ARID1B: variants seen among roughly 807,000 people sequenced by gnomAD.
ARID1B encodes AT-rich interaction domain 1B.
A neutral mutation model predicts 212.3 loss-of-function variants in ARID1B; 30 were observed. The ratio of observed to expected loss-of-function variants is 0.14; its 90% CI spans 0.11 to 0.19. ARID1B has a LOEUF of 0.19. Among genes scored for constraint, ARID1B ranks in the 10% least tolerant of loss-of-function variants. The pLI is 1.00. For missense variants in ARID1B, 2,891 were observed against 3,204.0 expected, an observed-to-expected ratio of 0.90 and a Z score of 2.36; for synonymous variants, 1,402 against 1,301.7, an observed-to-expected ratio of 1.08 and a Z score of -1.66.
At chr6:157,029,179 A>G (rs1370849601) in intron 4 of ARID1B, among the ~76,000 whole-genome samples, 1 of 152,214 alleles carries the variant, frequency 6.6e-6, no homozygotes, top group Admixed American at 6.5e-5. Context: ...TGTATTCAAT[A>G]TAGCAAAATT....
chr6:157,012,011 T>C (rs905037752), intron 4 of ARID1B, among the ~76,000 whole-genome samples: 3 of 152,206 alleles, frequency 2.0e-5, no homozygotes, highest in Non-Finnish European at 4.4e-5. Flanking sequence ...ACCATGGAAC[T>C]CAGAAGAAAC....
intron 13 of ARID1B, chr6:157,184,885 T>C (rs755311082): frequency 1.6e-5 from 3 of 183,450 alleles, no homozygotes; most frequent in African/African-American, 2.4e-5. Flanking sequence ...ATTTGAACTT[T>C]AGTAAAATGA....
intron 4 of ARID1B, among the ~76,000 whole-genome samples, chr6:157,007,982 G>T (rs1032915926): frequency 6.6e-6 from 1 of 152,268 alleles, no homozygotes; most frequent in South Asian, 2.1e-4. Flanking sequence ...AGCCTAGGAA[G>T]CCCTAAGTTT....
At chr6:156,972,566 T>C (rs1455341347) in intron 4 of ARID1B, among the ~76,000 whole-genome samples, 5 of 152,240 alleles carry the variant, frequency 3.3e-5, no homozygotes, top group African/African-American at 7.2e-5. Flanking sequence ...AACATAAATT[T>C]GGATAGCATG....
intron 7 of ARID1B, among the ~76,000 whole-genome samples, chr6:157,147,749 C>G (rs987566338): frequency 1.0e-5 from 1 of 97,402 alleles, no homozygotes; most frequent in Non-Finnish European, 2.0e-5. Context: ...GCCTCCGACC[C>G]TGCCCTCCGT....
intron 4 of ARID1B, among the ~76,000 whole-genome samples, chr6:156,952,363 C>T (rs970663615): frequency 8.5e-5 from 13 of 152,168 alleles, no homozygotes; most frequent in African/African-American, 1.4e-4. Context: ...TTATTTTTCT[C>T]GAACTTACTG....
chr6:156,978,864 A>G (rs1777428171), intron 4 of ARID1B, among the ~76,000 whole-genome samples: 1 of 152,220 alleles, frequency 6.6e-6, no homozygotes, highest in African/African-American at 2.4e-5. Flanking sequence ...TCAATATAGC[A>G]GAATCAAAGT....
chr6:156,950,779 T>C (rs1469885640), intron 4 of ARID1B, among the ~76,000 whole-genome samples: 1 of 152,226 alleles, frequency 6.6e-6, no homozygotes, highest in Non-Finnish European at 1.5e-5. Flanking sequence ...TAATGCACTT[T>C]ACTTTTCCCC....
intron 7 of ARID1B, among the ~76,000 whole-genome samples, chr6:157,139,069 T>C (rs1407079553): frequency 6.6e-6 from 1 of 151,986 alleles, no homozygotes; most frequent in Non-Finnish European, 1.5e-5. Flanking sequence ...AACCTGGGAA[T>C]TAGGGAGAAA....
At chr6:157,097,509 T>C (rs947190474) in intron 5 of ARID1B, among the ~76,000 whole-genome samples, 3 of 152,192 alleles carry the variant, frequency 2.0e-5, no homozygotes, top group African/African-American at 4.8e-5. Context: ...CTCTTTTAGG[T>C]GCAAAATGAC....
intron 2 of ARID1B, among the ~76,000 whole-genome samples, chr6:156,838,148 A>G (rs1190952286): frequency 6.6e-6 from 1 of 152,124 alleles, no homozygotes; most frequent in African/African-American, 2.4e-5. Context: ...ATTTTTTTTA[A>G]ATAACTACCA....
intron 6 of ARID1B, among the ~76,000 whole-genome samples, chr6:157,123,968 C>G (rs1787956250): frequency 6.6e-6 from 1 of 152,264 alleles, no homozygotes; most frequent in Non-Finnish European, 1.5e-5. Context: ...TCACTCCTCA[C>G]AGCTTCGCAG....
chr6:156,800,929 T>A (rs1342801622), intron 1 of ARID1B, among the ~76,000 whole-genome samples: 1 of 152,164 alleles, frequency 6.6e-6, no homozygotes, highest in Non-Finnish European at 1.5e-5. Context: ...AATTAGTTAA[T>A]GTCTGCAGTG....
chr6:157,007,785 C>G (rs1779334228), intron 4 of ARID1B, among the ~76,000 whole-genome samples: 1 of 149,860 alleles, frequency 6.7e-6, no homozygotes, highest in Non-Finnish European at 1.5e-5. Flanking sequence ...GCTGGGGTCT[C>G]CTGCCTCAGC....
At chr6:156,782,952 A>G (rs544937494) in intron 1 of ARID1B, among the ~76,000 whole-genome samples, 7 of 151,916 alleles carry the variant, frequency 4.6e-5, no homozygotes, top group South Asian at 4.2e-4. Context: ...TTTTTGTGGT[A>G]CATACTTTTG....
chr6:157,045,327 A>G (rs991684627), intron 4 of ARID1B, among the ~76,000 whole-genome samples: 5 of 152,260 alleles, frequency 3.3e-5, no homozygotes, highest in African/African-American at 4.8e-5. Flanking sequence ...ATTCTACCCA[A>G]TAAAATAGTT....
chr6:157,201,199 A>G lies in ARID1B; in HGVS notation c.4974A>G (p.Pro1658=). Residue 1658 remains proline (P), a synonymous_variant, in exon 18 of 20, where the codon CCA becomes CCG. Transcript: ENST00000636930. This position sits in a 1 kb window ranked among gnomAD's most constrained non-coding sequence, Gnocchi z 5.2. ...CCTCCATGCAGCCCATCACACGCCC[A>G]CCACAGCCGTCCTACCAGACGCCAC... is the stretch of plus-strand genomic sequence containing the variant. ...SSASMQPITR[P]PQPSYQTPPS... 1.2e-6 allele frequency: 2 copies of G among 1,613,698 alleles called. No individual in the cohort carries two copies. Among genetic ancestry groups the G allele is most frequent in the Non-Finnish European group, 1.7e-6 (2 of 1,179,750 alleles).
chr6:156,797,598 C>A (rs1780477449), intron 1 of ARID1B, among the ~76,000 whole-genome samples: 1 of 152,198 alleles, frequency 6.6e-6, no homozygotes, highest in Admixed American at 6.5e-5. Context: ...GGGAAGGAAT[C>A]ATACAGTGCT....
Position 157,201,524 on chromosome 6 carries a change from C to T in ARID1B, c.5263+36C>T, listed in dbSNP as rs1378455890. 3 of 1,486,794 alleles carry T rather than the reference C, an allele frequency of 2.0e-6. No homozygotes were observed. The highest frequency in any genetic ancestry group is 2.7e-6 in the Non-Finnish European group (3 of 1,118,178). 92.1% of individuals were successfully genotyped at this position (1,486,794 alleles called of 1,614,324 possible). On this transcript the variant is annotated intron_variant, in intron 18 of 19. Coordinates refer to ENST00000636930, the MANE Select transcript of ARID1B (RefSeq NM_001374828.1). The surrounding 1 kb of genome is among the most constrained non-coding windows in gnomAD (Gnocchi z 5.2). ...CAAAGCTTTCATTCTGAAATGAATT[C>T]CAGTTGCAGTGTAGAATTTTAATTT...
Sources: gnomAD v4.1 joint callset for allele counts (sites outside exome capture counted in the v4.1 genomes callset) on GRCh38, gnomAD v4.1.1 for gene constraint, Gnocchi (gnomAD v3.1) non-coding constraint, MANE v1.5 for transcripts, NCBI Gene and HGNC (gene_info 2026-07-23, HGNC 2026-07-21) for gene names.